SCMH1: variants seen among roughly 807,000 people sequenced by gnomAD.
SCMH1 encodes the protein polycomb protein SCMH1.
A neutral mutation model predicts 70.8 loss-of-function variants in SCMH1; 37 were observed. That is an observed-to-expected ratio of 0.52 (90% CI 0.40 to 0.69). The LOEUF is 0.69. Among genes scored for constraint, SCMH1 ranks in the 30% least tolerant of loss-of-function variants. The probability of loss-of-function intolerance (pLI) is 0.00; values close to 1 mark genes in which losing one functional copy is unlikely to be tolerated. For synonymous variants in SCMH1, 292 were observed against 307.4 expected, an observed-to-expected ratio of 0.95 and a Z score of 0.52; for missense variants, 607 against 827.3, an observed-to-expected ratio of 0.73 and a Z score of 3.27.
chr1:41,093,801 C>G (rs1664332485), intron 8 of SCMH1, among the ~76,000 whole-genome samples: 1 of 152,180 alleles, frequency 6.6e-6, no homozygotes, highest in Non-Finnish European at 1.5e-5. Context: ...TACGGGGAAG[C>G]TGTCAAGATT....
At chr1:41,194,153 G>C (rs1476931413) in intron 1 of SCMH1, among the ~76,000 whole-genome samples, 1 of 152,172 alleles carries the variant, frequency 6.6e-6, no homozygotes, top group Non-Finnish European at 1.5e-5. Context: ...CTTTTAAGTA[G>C]TGTAGTTTGC....
At chr1:41,027,664 C>T (rs554295495) in exon 15 of SCMH1, 1 of 152,942 alleles carries the variant, frequency 6.5e-6, no homozygotes, top group South Asian at 2.1e-4. Context: ...GGCAGTCTCC[C>T]TCCTCCTGAA....
intron 1 of SCMH1, among the ~76,000 whole-genome samples, chr1:41,218,357 C>T (rs1183395389): frequency 6.6e-6 from 1 of 152,062 alleles, no homozygotes; most frequent in Non-Finnish European, 1.5e-5. Context: ...TTAGGGTAGG[C>T]CATGATCCAA....
intron 1 of SCMH1, among the ~76,000 whole-genome samples, chr1:41,192,972 T>C (rs1451137390): frequency 5.3e-5 from 8 of 152,236 alleles, no homozygotes; most frequent in Non-Finnish European, 1.2e-4. Context: ...TGCTCAACTC[T>C]GTTATCATAG....
intron 12 of SCMH1, among the ~76,000 whole-genome samples, chr1:41,040,860 G>C (rs1450637496): frequency 6.6e-6 from 1 of 151,722 alleles, no homozygotes; most frequent in Non-Finnish European, 1.5e-5. Context: ...GTGAAAGTCT[G>C]TCTCAAAACA....
At chr1:41,062,124 C>A (rs1203234346) in intron 10 of SCMH1, among the ~76,000 whole-genome samples, 2 of 151,914 alleles carry the variant, frequency 1.3e-5, no homozygotes, top group African/African-American at 4.8e-5. Context: ...CCTCAGACTC[C>A]CAAAGTGCTG....
intron 8 of SCMH1, among the ~76,000 whole-genome samples, chr1:41,109,121 A>G (rs1043711741): frequency 6.6e-6 from 1 of 152,216 alleles, no homozygotes; most frequent in Non-Finnish European, 1.5e-5. Context: ...GGCTCTACTA[A>G]AAGATCTCCA....
intron 2 of SCMH1, among the ~76,000 whole-genome samples, chr1:41,177,151 AAAC>A (rs1321938854): frequency 1.3e-5 from 2 of 152,228 alleles, no homozygotes; most frequent in Admixed American, 6.5e-5. Context: ...GACCTCCAGC[AAAC>A]TCCGATAGAC....
At chr1:41,130,019 C>T (rs1459126059) in intron 6 of SCMH1, among the ~76,000 whole-genome samples, 2 of 152,114 alleles carry the variant, frequency 1.3e-5, no homozygotes, top group Non-Finnish European at 2.9e-5. Flanking sequence ...TCCTAATACC[C>T]ATCCTAATGA....
chr1:41,054,011 A>AT (rs1278133360), intron 10 of SCMH1, among the ~76,000 whole-genome samples: 4 of 151,646 alleles, frequency 2.6e-5, no homozygotes, highest in African/African-American at 9.7e-5. Flanking sequence ...CACCTGGCTA[A>AT]TTTTTTGTAT....
At chr1:41,213,163 C>T (rs1345991309) in intron 1 of SCMH1, among the ~76,000 whole-genome samples, 2 of 152,112 alleles carry the variant, frequency 1.3e-5, no homozygotes, top group Non-Finnish European at 2.9e-5. Flanking sequence ...TTGAAACATA[C>T]TTGCATTCCC....
At chr1:41,110,027 C>T (rs213734) in intron 8 of SCMH1, among the ~76,000 whole-genome samples, 98,635 of 152,046 alleles carry the variant, frequency 0.65, 33,536 homozygotes, top group African/African-American at 0.86. Context: ...GCTATCAGTT[C>T]CAAGGTACCT....
intron 6 of SCMH1, among the ~76,000 whole-genome samples, chr1:41,119,253 G>A (rs935154739): frequency 4.6e-5 from 7 of 152,192 alleles, no homozygotes; most frequent in African/African-American, 1.7e-4. Context: ...TAAAAAAAGA[G>A]TTACCACTCC....
At chr1:41,158,184 T>G (rs1175202577) in intron 4 of SCMH1, among the ~76,000 whole-genome samples, 2 of 152,290 alleles carry the variant, frequency 1.3e-5, no homozygotes, top group South Asian at 2.1e-4. Flanking sequence ...TCAGAGCCAT[T>G]CCCCATCCAT....
chr1:41,180,009 A>T (rs571315418), intron 2 of SCMH1, among the ~76,000 whole-genome samples: 2,547 of 152,326 alleles, frequency 0.017, 28 homozygotes, highest in South Asian at 0.03. Flanking sequence ...CAAAAAGCTT[A>T]TCCACCATGA....
intron 1 of SCMH1, among the ~76,000 whole-genome samples, chr1:41,193,517 C>T (rs1652238739): frequency 6.6e-6 from 1 of 151,162 alleles, no homozygotes; most frequent in Non-Finnish European, 1.5e-5. Flanking sequence ...TTAACTTTGC[C>T]AGGGGTTGGG....
At chr1:41,105,304 C>A (rs950734656) in intron 8 of SCMH1, among the ~76,000 whole-genome samples, 1 of 151,886 alleles carries the variant, frequency 6.6e-6, no homozygotes, top group African/African-American at 2.4e-5. Context: ...GTCATAGATG[C>A]GAGTAGTATT....
intron 1 of SCMH1, among the ~76,000 whole-genome samples, chr1:41,197,169 T>C (rs550204710): frequency 2.6e-5 from 4 of 152,300 alleles, no homozygotes; most frequent in Admixed American, 1.3e-4. Flanking sequence ...GGAATTATCA[T>C]ATGATCCAGC....
At chr1:41,228,567 A>C (rs1370080435) in intron 1 of SCMH1, among the ~76,000 whole-genome samples, 1 of 151,862 alleles carries the variant, frequency 6.6e-6, no homozygotes, top group Non-Finnish European at 1.5e-5. Flanking sequence ...AGCATCACTT[A>C]AGCCTAGGAG....
Sources: gnomAD v4.1 joint callset for allele counts (sites outside exome capture counted in the v4.1 genomes callset) on GRCh38, gnomAD v4.1.1 for gene constraint, MANE v1.5 for transcripts, NCBI Gene and HGNC (gene_info 2026-07-23, HGNC 2026-07-21) for gene names.